Variants in ST7 observed in about 807,000 individuals in gnomAD.
The protein encoded by ST7 is suppressor of tumorigenicity 7 protein.
ST7 carries 28 observed loss-of-function variants against 78.7 expected under a neutral mutation model. The ratio of observed to expected loss-of-function variants is 0.36; its 90% CI spans 0.26 to 0.49. The LOEUF is 0.49. Among genes scored for constraint, ST7 ranks in the 20% least tolerant of loss-of-function variants. The pLI, the probability that ST7 is intolerant of heterozygous loss-of-function variation, is 0.99. For synonymous variants in ST7, 247 were observed against 249.6 expected (o/e 0.99, Z 0.10); for missense variants, 418 against 696.0 (o/e 0.60, Z 4.49).
intron 1 of ST7, among the ~76,000 whole-genome samples, chr7:117,014,125 G>A (rs1469210393): frequency 6.6e-6 from 1 of 152,108 alleles, no homozygotes; most frequent in Non-Finnish European, 1.5e-5. Context: ...AGTGGTGGAG[G>A]GTGGGGGTTG....
At chr7:117,140,331 C>T (rs1805173126) in intron 9 of ST7, among the ~76,000 whole-genome samples, 1 of 152,108 alleles carries the variant, frequency 6.6e-6, no homozygotes, top group African/African-American at 2.4e-5. Flanking sequence ...CTCAGCTTTG[C>T]TCTTTACCAG....
chr7:117,079,823 T>C (rs1799618821), intron 1 of ST7, among the ~76,000 whole-genome samples: 1 of 152,114 alleles, frequency 6.6e-6, no homozygotes, highest in Non-Finnish European at 1.5e-5. Flanking sequence ...TCTAGTTTTA[T>C]GTCATGCTTA....
intron 1 of ST7, among the ~76,000 whole-genome samples, chr7:116,972,001 A>G (rs1331420780): frequency 6.6e-6 from 1 of 152,170 alleles, no homozygotes; most frequent in African/African-American, 2.4e-5. Context: ...GAAGAGGCAG[A>G]GACAGTTTGG....
intron 4 of ST7, 63 bp downstream of exon 4, chr7:117,129,910 A>G (rs1804194601): frequency 2.2e-6 from 3 of 1,389,412 alleles, no homozygotes; most frequent in Middle Eastern, 1.8e-4. Context: ...ACAGCAGCAA[A>G]TGTTTTTGCT....
At chr7:117,200,909 G>A (rs538692012) in intron 12 of ST7, among the ~76,000 whole-genome samples, 1 of 150,934 alleles carries the variant, frequency 6.6e-6, no homozygotes, top group South Asian at 2.1e-4. Flanking sequence ...GCTTGTGGAA[G>A]AAAACATCGT....
intron 10 of ST7, among the ~76,000 whole-genome samples, chr7:117,183,005 T>C (rs575957739): frequency 6.6e-6 from 1 of 152,250 alleles, no homozygotes; most frequent in Admixed American, 6.5e-5. Flanking sequence ...GTGGAGAGAA[T>C]GGAGTGGGGC....
intron 1 of ST7, among the ~76,000 whole-genome samples, chr7:116,992,283 A>G (rs921808691): frequency 2.0e-5 from 3 of 152,210 alleles, no homozygotes; most frequent in Non-Finnish European, 4.4e-5. Context: ...GAGGTTCTCC[A>G]TGAGAGCCCT....
At position 117,176,603 on chromosome 7, in the gene ST7, A is replaced by G. The variant is rs1208169723; in HGVS notation, c.1078+5627A>G. On this transcript the variant is annotated intron_variant, in intron 10 of 15. Transcript: ENST00000323984. Reference sequence around the variant, plus strand: ...TATAACTAGCACAAGTTATTCAGCTATCATCATAGTTCCTTTGAAATGGTT... The same window carrying G: ...TATAACTAGCACAAGTTATTCAGCTGTCATCATAGTTCCTTTGAAATGGTT... Among the ~76,000 whole-genome samples, 3 of 152,216 alleles carry G rather than the reference A, an allele frequency of 2.0e-5. No individual in the cohort carries two copies. In the East Asian group the frequency reaches 5.8e-4, roughly 29 times the overall value.
chr7:117,103,210 A>G lies in ST7; in HGVS notation c.234+3366A>G, dbSNP rs532692655. On this transcript the variant is annotated intron_variant, in intron 2 of 15. Coordinates refer to ENST00000323984, the MANE Select transcript of ST7 (RefSeq NM_001369598.1). ...AATTTACTTATTTAATGCAATCCCT[A>G]TCAAAATACCAATCACATTCTTTAC... 2.0e-5 allele frequency among the ~76,000 whole-genome samples: 3 copies of G among 152,304 alleles called. No homozygotes were observed. The South Asian group carries it at 6.2e-4, about 32-fold the overall frequency.
At chr7:116,988,116 C>T (rs1367749202) in intron 1 of ST7, among the ~76,000 whole-genome samples, 66 of 152,174 alleles carry the variant, frequency 4.3e-4, no homozygotes, top group Non-Finnish European at 1.5e-5. Flanking sequence ...ACTGGCTGAA[C>T]TAGTTAAATT....
chr7:117,019,865 T>A (rs568827954), intron 1 of ST7, among the ~76,000 whole-genome samples: 8 of 152,368 alleles, frequency 5.3e-5, no homozygotes, highest in Non-Finnish European at 1.2e-4. Context: ...TAATTACTTC[T>A]AAAGACAGAT....
chr7:117,194,033 A>G (rs1353343004), intron 12 of ST7, among the ~76,000 whole-genome samples: 1 of 152,226 alleles, frequency 6.6e-6, no homozygotes, highest in Non-Finnish European at 1.5e-5. Context: ...TCCTTACTAC[A>G]TCACAGGACT....
intron 1 of ST7, among the ~76,000 whole-genome samples, chr7:116,969,623 C>T (rs1220577075): frequency 6.6e-6 from 1 of 152,190 alleles, no homozygotes; most frequent in Non-Finnish European, 1.5e-5. Flanking sequence ...AGGAATGAAG[C>T]TTTGTTTCCT....
At chr7:117,064,103 G>A (rs1322266882) in intron 1 of ST7, among the ~76,000 whole-genome samples, 1 of 150,472 alleles carries the variant, frequency 6.6e-6, no homozygotes, top group Non-Finnish European at 1.5e-5. Context: ...TTTTTAATAC[G>A]GCATTTTATT....
intron 1 of ST7, among the ~76,000 whole-genome samples, chr7:117,011,249 C>G (rs907234768): frequency 5.3e-5 from 8 of 152,102 alleles, no homozygotes; most frequent in African/African-American, 1.9e-4. Flanking sequence ...GGAGGAGGCT[C>G]CCCAGAACAT....
intron 1 of ST7, among the ~76,000 whole-genome samples, chr7:117,012,174 A>G (rs1401216521): frequency 6.6e-6 from 1 of 152,138 alleles, no homozygotes; most frequent in African/African-American, 2.4e-5. Flanking sequence ...CAATTTTTTC[A>G]TATGTTGGAA....
At chr7:117,192,700 A>G (rs1370684982) in intron 12 of ST7, among the ~76,000 whole-genome samples, 1 of 152,152 alleles carries the variant, frequency 6.6e-6, no homozygotes. Flanking sequence ...AAATCAGTAC[A>G]GTACTTGTTG....
chr7:117,056,864 T>C (rs1798089713), intron 1 of ST7, among the ~76,000 whole-genome samples: 1 of 152,172 alleles, frequency 6.6e-6, no homozygotes, highest in African/African-American at 2.4e-5. Context: ...TTTTTGATAA[T>C]TGGCTTCCTC....
chr7:117,050,603 A>G (rs1584523064), intron 1 of ST7, among the ~76,000 whole-genome samples: 4 of 152,188 alleles, frequency 2.6e-5, no homozygotes, highest in Admixed American at 2.6e-4. Context: ...TACCGTCTCT[A>G]TATATTTTAC....
Sources: allele counts gnomAD v4.1 joint callset (sites outside exome capture counted in the v4.1 genomes callset), GRCh38; gene constraint gnomAD v4.1.1; transcripts MANE v1.5; gene names NCBI Gene and HGNC (gene_info 2026-07-23, HGNC 2026-07-21).